Variants in C5AR1 observed in about 807,000 individuals in gnomAD.
C5AR1 encodes the protein complement C5a receptor 1.
C5AR1 carries 4 observed loss-of-function variants against 2.4 expected under a neutral mutation model. The observed-to-expected ratio is 1.65, with a 90% CI of 0.81 to 3.77. The LOEUF is 3.77. Ranked by LOEUF, C5AR1 falls within the 30% of genes most tolerant of loss-of-function variation. The pLI, the probability that C5AR1 is intolerant of heterozygous loss-of-function variation, is 0.01. For synonymous variants in C5AR1, 209 were observed against 210.4 expected, an observed-to-expected ratio of 0.99 and a Z score of 0.06; for missense variants, 418 against 462.5, an observed-to-expected ratio of 0.90 and a Z score of 0.88.
At chr19:47,307,776 C>T (rs2059257936), upstream of C5AR1, 1 of 152,166 alleles carries the variant, frequency 6.6e-6, no homozygotes, top group Non-Finnish European at 1.5e-5. Context: ...CTGTACCAGT[C>T]CATGGCCTGC....
intron 1 of C5AR1, among the ~76,000 whole-genome samples, chr19:47,315,661 G>T (rs1388737745): frequency 6.6e-6 from 1 of 152,136 alleles, no homozygotes; most frequent in Non-Finnish European, 1.5e-5. Flanking sequence ...GCCTCCTGCT[G>T]CACCTAGCAT....
chr19:47,312,515 G>A (rs1226327586), intron 1 of C5AR1, among the ~76,000 whole-genome samples: 1 of 152,166 alleles, frequency 6.6e-6, no homozygotes, highest in Non-Finnish European at 1.5e-5. Flanking sequence ...GCTCAATGTG[G>A]GTGACATTTC....
Position 47,320,845 on chromosome 19 carries a change from G to A in C5AR1, c.*15G>A. On this transcript the variant is annotated 3_prime_UTR_variant, in exon 2 of 2. Transcript: ENST00000355085. This position sits in a 1 kb window ranked among gnomAD's most constrained non-coding sequence, Gnocchi z 4.9. ...AGGCAGTGTAGGCGACAGCCTCATG[G>A]GCCACTGTGGCCCGATGTCCCCTTC... 2.5e-6 allele frequency: 4 copies of A among 1,582,646 alleles called. No individual in the cohort carries two copies. The highest frequency in any genetic ancestry group is 3.4e-6 in the Non-Finnish European group (4 of 1,160,740).
chr19:47,310,469 T>G (rs1471241209), intron 1 of C5AR1, among the ~76,000 whole-genome samples: 1 of 152,138 alleles, frequency 6.6e-6, no homozygotes, highest in African/African-American at 2.4e-5. Flanking sequence ...ATGGTCAAGT[T>G]ACTCAGATGC....
At chr19:47,308,566 T>G (rs11673309), upstream of C5AR1, among the ~76,000 whole-genome samples, 48,903 of 150,866 alleles carry the variant, frequency 0.32, 8,208 homozygotes, top group East Asian at 0.48. Context: ...TCTTTTTTTT[T>G]TTTTTGAGAT....
chr19:47,314,649 G>A (rs2059280310), intron 1 of C5AR1, among the ~76,000 whole-genome samples: 2 of 151,466 alleles, frequency 1.3e-5, no homozygotes, highest in South Asian at 4.2e-4. Flanking sequence ...CCACCCGCCT[G>A]GGCCTCCCAA....
chr19:47,312,644 C>T (rs763827592), intron 1 of C5AR1, among the ~76,000 whole-genome samples: 1 of 152,108 alleles, frequency 6.6e-6, no homozygotes, highest in African/African-American at 2.4e-5. Flanking sequence ...TACTGCATAC[C>T]AGGCGTTGTA....
chr19:47,310,838 C>G (rs983947759), intron 1 of C5AR1, among the ~76,000 whole-genome samples: 3 of 152,180 alleles, frequency 2.0e-5, no homozygotes, highest in African/African-American at 7.2e-5. Flanking sequence ...GAAACTGAGG[C>G]CCAGGCAGGA....
chr19:47,319,734 C>A, intron 1 of C5AR1, 47 bp from the exon 2 acceptor site: 1 of 1,272,304 alleles, frequency 7.9e-7, no homozygotes, highest in Non-Finnish European at 1.1e-6. Context: ...CCTACCCGGG[C>A]ACATGTCTGC....
At chr19:47,314,542 C>T (rs912303614) in intron 1 of C5AR1, among the ~76,000 whole-genome samples, 4 of 151,508 alleles carry the variant, frequency 2.6e-5, no homozygotes, top group Admixed American at 6.6e-5. Flanking sequence ...GGATTACAGG[C>T]GCACGCCACC....
chr19:47,313,477 G>C (rs2059277045), intron 1 of C5AR1, among the ~76,000 whole-genome samples: 2 of 151,076 alleles, frequency 1.3e-5, no homozygotes, highest in African/African-American at 4.9e-5. Context: ...GGCTGGGCGC[G>C]GTGGCTCATG....
At position 47,321,058 on chromosome 19, in the gene C5AR1, A is replaced by AC. The variant is rs56349709; in HGVS notation, c.*236dup. The AC allele has an allele frequency of 3.3e-4, 51 of 154,284 alleles. No individual in the cohort carries two copies. Among genetic ancestry groups the AC allele is most frequent in the Non-Finnish European group, 4.5e-4 (40 of 89,146 alleles). 9.6% of individuals were successfully genotyped at this position (154,284 alleles called of 1,614,324 possible). On this transcript the variant is annotated 3_prime_UTR_variant, in exon 2 of 2. Transcript: ENST00000355085. ...TCTAGGGAGCACCCTCCCACCCCCC[A>AC]CCCCCCCCACACACACCATCTTTCC...
intron 1 of C5AR1, 23 bp from the exon 2 acceptor site, chr19:47,319,758 C>A: frequency 6.7e-7 from 1 of 1,496,544 alleles, no homozygotes; most frequent in Non-Finnish European, 9.3e-7. Flanking sequence ...CTCATCCTCT[C>A]TGCTCTCTCC....
chr19:47,315,057 C>T (rs967249648), intron 1 of C5AR1, among the ~76,000 whole-genome samples: 4 of 151,790 alleles, frequency 2.6e-5, no homozygotes, highest in Non-Finnish European at 5.9e-5. Context: ...CTGTTTTTTT[C>T]CTTTTTGTAG....
chr19:47,314,129 C>T (rs2059279027), intron 1 of C5AR1, among the ~76,000 whole-genome samples: 1 of 152,174 alleles, frequency 6.6e-6, no homozygotes, highest in Admixed American at 6.6e-5. Context: ...CTGCTCTCTG[C>T]CCCTTTCTCC....
upstream of C5AR1, among the ~76,000 whole-genome samples, chr19:47,309,475 T>G (rs2122125924): frequency 6.7e-6 from 1 of 149,310 alleles, no homozygotes; most frequent in African/African-American, 2.5e-5. Context: ...CTCGGGAGGC[T>G]GAGGCAGGAG....
rs142966316 is a variant in C5AR1, at chr19:47,313,701, G to T, written c.3+3803G>T. Among the ~76,000 whole-genome samples the T allele has an allele frequency of 9.3e-5, 14 of 151,192 alleles. No homozygotes were observed. In the East Asian group the frequency reaches 2.7e-3, roughly 29 times the overall value. On this transcript the variant is annotated intron_variant, in intron 1 of 1. Transcript: ENST00000355085. ...GGAGCTTGCAGTGAGCTGAGATCGC[G>T]CCACTGCACTCCAGCCTGGGGACAG...
intron 1 of C5AR1, 111 bp from the exon 2 acceptor site, chr19:47,319,670 C>T (rs568020878): frequency 3.3e-5 from 23 of 700,168 alleles, no homozygotes; most frequent in Non-Finnish European, 5.3e-5. Context: ...TCCCCATTTC[C>T]TAGTGAGAAA....
rs1159258808 is a variant in C5AR1, at chr19:47,321,582, C to G, written c.*752C>G. 6.6e-6 allele frequency: 1 copy of G among 152,194 alleles called. No homozygotes were observed. The highest frequency in any genetic ancestry group is 1.9e-4 in the East Asian group (1 of 5,206). The allele number at this position is 152,194 out of a possible 1,614,324, so 9.4% of individuals were successfully genotyped here. A position where few individuals can be genotyped will look rare whatever the true frequency, so the allele number is the denominator to read the frequency against. The stretch of plus-strand genomic sequence containing the variant: ...CATGATCGCACCACTGCACTCTAGC[C>G]TGGGTGACCGAGGGAGGCTCTGTCT... On this transcript the variant is annotated 3_prime_UTR_variant, in exon 2 of 2. Coordinates refer to ENST00000355085, the MANE Select transcript of C5AR1 (RefSeq NM_001736.4).
Sources: allele counts gnomAD v4.1 joint callset (sites outside exome capture counted in the v4.1 genomes callset), GRCh38; gene constraint gnomAD v4.1.1; non-coding constraint Gnocchi (gnomAD v3.1); transcripts MANE v1.5; gene names NCBI Gene and HGNC (gene_info 2026-07-23, HGNC 2026-07-21).